The following AP2A2 variants were observed in gnomAD, a reference collection of about 807,000 sequenced individuals.
AP2A2 encodes adaptor related protein complex 2 subunit alpha 2.
In AP2A2, 32 loss-of-function variants were observed where a neutral mutation model predicts 104.2. That is an observed-to-expected ratio of 0.31 (90% CI 0.23 to 0.41). The LOEUF is 0.41. AP2A2 is among the 10% of genes least tolerant of loss of function. The pLI, the probability that AP2A2 is intolerant of heterozygous loss-of-function variation, is 1.00. For synonymous variants in AP2A2, 539 were observed against 533.3 expected (o/e 1.01, Z -0.15); for missense variants, 912 against 1,261.0 (o/e 0.72, Z 4.19).
In AP2A2 at chr11:993,440, G is replaced by GGATCAT; in HGVS notation, c.1550+59_1550+60insGATCAT. 1 of 1,263,440 alleles carries GGATCAT rather than the reference G, an allele frequency of 7.9e-7. No individual in the cohort carries two copies. The highest frequency in any genetic ancestry group is 1.0e-6 in the Non-Finnish European group (1 of 965,054). 78.3% of individuals were successfully genotyped at this position (1,263,440 alleles called of 1,614,324 possible). ...GCTCCGGCGGGCCTCTCGGTGGTCG[G>GGATCAT]TGGCAAGAGGCGAGGCACCAGCTGG... On this transcript the variant is annotated intron_variant, in intron 12 of 21. Coordinates refer to ENST00000448903, the MANE Select transcript of AP2A2 (RefSeq NM_012305.4). This position sits in a 1 kb window ranked among gnomAD's most constrained non-coding sequence, Gnocchi z 8.2.
chr11:991,178 C>T (rs1307792674), intron 10 of AP2A2, among the ~76,000 whole-genome samples: 1 of 152,282 alleles, frequency 6.6e-6, no homozygotes, highest in Admixed American at 6.5e-5. Flanking sequence ...GTGTTTCCCT[C>T]TGTCCTTTCA....
chr11:984,362 C>G (rs562556825), intron 6 of AP2A2, among the ~76,000 whole-genome samples: 1 of 152,066 alleles, frequency 6.6e-6, no homozygotes, highest in Non-Finnish European at 1.5e-5. Flanking sequence ...ATTCACGTGC[C>G]GGTCCACAAA....
chr11:934,629 C>G (rs1189420217), intron 1 of AP2A2, among the ~76,000 whole-genome samples: 1 of 152,208 alleles, frequency 6.6e-6, no homozygotes, highest in Non-Finnish European at 1.5e-5. Context: ...CAACAGCCAA[C>G]ATGGGGTGCC....
chr11:1,004,001 C>T (rs1037532022), intron 16 of AP2A2, among the ~76,000 whole-genome samples, 197 bp downstream of exon 16: 5 of 151,230 alleles, frequency 3.3e-5, no homozygotes, highest in Non-Finnish European at 7.4e-5. Flanking sequence ...CCCATCTCTA[C>T]AACCAGAGGG....
At chr11:952,797 C>T (rs73408952) in intron 1 of AP2A2, among the ~76,000 whole-genome samples, 50 of 152,246 alleles carry the variant, frequency 3.3e-4, no homozygotes, top group African/African-American at 1.2e-3. Context: ...AGCTCCTCCC[C>T]GCTTCTCCTC....
intron 20 of AP2A2, 52 bp from the exon 21 acceptor site, chr11:1,009,631 C>T (rs950720238): frequency 6.8e-6 from 10 of 1,462,754 alleles, no homozygotes; most frequent in East Asian, 5.0e-5. Flanking sequence ...CCGGGGGACA[C>T]GCTGCCCGCG....
intron 4 of AP2A2, among the ~76,000 whole-genome samples, chr11:976,101 C>T (rs896235851): frequency 6.6e-6 from 1 of 152,146 alleles, no homozygotes; most frequent in African/African-American, 2.4e-5. Context: ...CCTGCTGGCG[C>T]CTGGAACACA....
At chr11:975,650 C>T (rs1250616047) in intron 4 of AP2A2, among the ~76,000 whole-genome samples, 2 of 151,714 alleles carry the variant, frequency 1.3e-5, no homozygotes, top group African/African-American at 4.8e-5. Context: ...GGTCCTCGGT[C>T]TCCCTCGTGT....
chr11:1,005,702 G>T (rs1420200374), intron 16 of AP2A2, among the ~76,000 whole-genome samples: 1 of 152,174 alleles, frequency 6.6e-6, no homozygotes, highest in East Asian at 1.9e-4. Flanking sequence ...TGCCCGCCAG[G>T]GGTCTGTTAG....
At chr11:997,274 C>T (rs1046525233) in intron 14 of AP2A2, among the ~76,000 whole-genome samples, 1 of 152,200 alleles carries the variant, frequency 6.6e-6, no homozygotes, top group African/African-American at 2.4e-5. Flanking sequence ...GTGTGCGTGT[C>T]CCCGGGTGTG....
chr11:928,266 T>C (rs1307042891), intron 1 of AP2A2, among the ~76,000 whole-genome samples: 1 of 152,260 alleles, frequency 6.6e-6, no homozygotes, highest in Non-Finnish European at 1.5e-5. Context: ...CACATTCATA[T>C]AACTTTTATT....
chr11:1,003,960 A>C (rs932956676), intron 16 of AP2A2, among the ~76,000 whole-genome samples, 156 bp downstream of exon 16: 10 of 152,198 alleles, frequency 6.6e-5, no homozygotes, highest in African/African-American at 2.4e-4. Context: ...AAAAATGGGC[A>C]AAAGAACAGC....
At chr11:955,496 C>T (rs1854205633) in intron 1 of AP2A2, among the ~76,000 whole-genome samples, 1 of 152,192 alleles carries the variant, frequency 6.6e-6, no homozygotes, top group South Asian at 2.1e-4. Context: ...CCAGGGGTCA[C>T]TGCTGTGAGC....
Position 951,173 on chromosome 11 carries a change from C to T in AP2A2, c.68-8264C>T, listed in dbSNP as rs190502571. On this transcript the variant is annotated intron_variant, in intron 1 of 21. Coordinates refer to ENST00000448903, the MANE Select transcript of AP2A2 (RefSeq NM_012305.4). ...CGAATGTTCAATAAGCATATAAAAG[C>T]TATCAGAAAAATGCATATCAAAATC... 4.6e-3 allele frequency among the ~76,000 whole-genome samples: 706 copies of T among 151,964 alleles called. 2 individuals carry two copies. The highest frequency in any genetic ancestry group is 7.9e-3 in the Admixed American group (120 of 15,246).
chr11:941,935 A>G (rs946904436), intron 1 of AP2A2, among the ~76,000 whole-genome samples: 2 of 138,166 alleles, frequency 1.4e-5, no homozygotes, highest in African/African-American at 5.5e-5. Context: ...TTTTTTATCT[A>G]TTTATATTTG....
intron 1 of AP2A2, among the ~76,000 whole-genome samples, chr11:953,904 G>T (rs2134538958): frequency 6.7e-6 from 1 of 150,296 alleles, no homozygotes; most frequent in Middle Eastern, 3.4e-3. Context: ...GCGCGATCTC[G>T]GCTCACTGCA....
intron 4 of AP2A2, among the ~76,000 whole-genome samples, chr11:976,085 G>A (rs1413222543): frequency 6.6e-6 from 1 of 152,206 alleles, no homozygotes; most frequent in Non-Finnish European, 1.5e-5. Flanking sequence ...GCCTGGCAAG[G>A]ACAGCCCTGC....
At chr11:972,323 T>C (rs117256000) in intron 4 of AP2A2, 68 bp downstream of exon 4, 4 of 1,427,000 alleles carry the variant, frequency 2.8e-6, no homozygotes, top group Admixed American at 2.4e-5. Flanking sequence ...ACATCAAATA[T>C]GGAGCTGCTT....
At chr11:962,910 A>T (rs760930053) in intron 2 of AP2A2, among the ~76,000 whole-genome samples, 2 of 151,454 alleles carry the variant, frequency 1.3e-5, no homozygotes, top group Non-Finnish European at 2.9e-5. Flanking sequence ...AAGAAAATCT[A>T]CTCCTTGTCC....
Sources: gnomAD v4.1 joint callset for allele counts (sites outside exome capture counted in the v4.1 genomes callset) on GRCh38, gnomAD v4.1.1 for gene constraint, Gnocchi (gnomAD v3.1) non-coding constraint, MANE v1.5 for transcripts, NCBI Gene and HGNC (gene_info 2026-07-23, HGNC 2026-07-21) for gene names.